ANGPTL2: variants seen among roughly 807,000 people sequenced by gnomAD.
ANGPTL2 encodes angiopoietin-related protein 2.
A neutral mutation model predicts 52.8 loss-of-function variants in ANGPTL2; 25 were observed. The ratio of observed to expected loss-of-function variants is 0.47; its 90% CI spans 0.35 to 0.66. The LOEUF (loss-of-function observed/expected upper bound fraction) is 0.66. Among genes scored for constraint, ANGPTL2 ranks in the 30% least tolerant of loss-of-function variants. The probability of loss-of-function intolerance (pLI) is 0.01; values close to 1 mark genes in which losing one functional copy is unlikely to be tolerated. For synonymous variants in ANGPTL2, 276 were observed against 277.4 expected (o/e 1.00, Z 0.05); for missense variants, 546 against 656.9 (o/e 0.83, Z 1.84).
At chr9:127,098,736 C>T (rs2053419172) in intron 2 of ANGPTL2, among the ~76,000 whole-genome samples, 2 of 152,158 alleles carry the variant, frequency 1.3e-5, no homozygotes, top group South Asian at 4.1e-4. Context: ...GAAACCAGGA[C>T]CCACTTGATT....
chr9:127,113,656 A>C (rs780972771), intron 1 of ANGPTL2, among the ~76,000 whole-genome samples: 11 of 152,220 alleles, frequency 7.2e-5, no homozygotes, highest in Non-Finnish European at 1.3e-4. Flanking sequence ...AACGATTCTT[A>C]AAATTGCTTT....
intron 2 of ANGPTL2, among the ~76,000 whole-genome samples, chr9:127,094,988 G>A (rs1005755058): frequency 6.6e-6 from 1 of 152,228 alleles, no homozygotes; most frequent in African/African-American, 2.4e-5. Flanking sequence ...CCAAGGGTCT[G>A]GACAGGCTGG....
At chr9:127,089,862 C>A (rs1025052640) in intron 4 of ANGPTL2, among the ~76,000 whole-genome samples, 9 of 152,240 alleles carry the variant, frequency 5.9e-5, no homozygotes, top group African/African-American at 2.2e-4. Flanking sequence ...GGGCCACTAT[C>A]TGCCAGCATT....
At chr9:127,119,917 C>G (rs1378082712) in intron 1 of ANGPTL2, among the ~76,000 whole-genome samples, 3 of 152,240 alleles carry the variant, frequency 2.0e-5, no homozygotes, top group Non-Finnish European at 4.4e-5. Context: ...AAACCTGTGG[C>G]TTCAGTAGCC....
At chr9:127,118,845 G>C (rs1388686680) in intron 1 of ANGPTL2, among the ~76,000 whole-genome samples, 1 of 152,194 alleles carries the variant, frequency 6.6e-6, no homozygotes, top group Admixed American at 6.5e-5. Flanking sequence ...TACCTGCTTT[G>C]GCAGGGCTGC....
intron 3 of ANGPTL2, 80 bp from the exon 4 acceptor site, chr9:127,092,020 C>T: frequency 6.5e-7 from 1 of 1,544,296 alleles, no homozygotes. Flanking sequence ...ACACTCAGCC[C>T]TGGATAGAGG....
At chr9:127,101,585 T>A (rs1163325389) in intron 2 of ANGPTL2, among the ~76,000 whole-genome samples, 1 of 152,148 alleles carries the variant, frequency 6.6e-6, no homozygotes, top group Non-Finnish European at 1.5e-5. Context: ...GAACCAATAA[T>A]AATAAATCCA....
intron 1 of ANGPTL2, among the ~76,000 whole-genome samples, chr9:127,120,905 A>T (rs1429550941): frequency 6.6e-6 from 1 of 151,830 alleles, no homozygotes; most frequent in African/African-American, 2.4e-5. Flanking sequence ...GTTTGTAATC[A>T]TCAGTGACCA....
intron 2 of ANGPTL2, among the ~76,000 whole-genome samples, chr9:127,105,093 T>A (rs1384903024): frequency 6.6e-6 from 1 of 152,158 alleles, no homozygotes; most frequent in African/African-American, 2.4e-5. Flanking sequence ...GTCTACCCAT[T>A]CATCTTCCAC....
intron 1 of ANGPTL2, among the ~76,000 whole-genome samples, chr9:127,111,333 A>T (rs992542736): frequency 6.6e-6 from 1 of 152,222 alleles, no homozygotes; most frequent in African/African-American, 2.4e-5. Context: ...TCACCATAAG[A>T]TACACGCTGT....
intron 2 of ANGPTL2, among the ~76,000 whole-genome samples, chr9:127,099,053 G>GA (rs2053457153): frequency 6.6e-6 from 1 of 152,236 alleles, no homozygotes; most frequent in South Asian, 2.1e-4. Context: ...TCTTCTCTCT[G>GA]ACGTGCCTGA....
At chr9:127,097,460 C>G (rs563678668) in intron 2 of ANGPTL2, among the ~76,000 whole-genome samples, 2 of 152,364 alleles carry the variant, frequency 1.3e-5, no homozygotes, top group Admixed American at 1.3e-4. Flanking sequence ...AACACAATTT[C>G]CCTTAGAACC....
At chr9:127,120,904 C>A (rs2056001958) in intron 1 of ANGPTL2, among the ~76,000 whole-genome samples, 1 of 151,968 alleles carries the variant, frequency 6.6e-6, no homozygotes, top group South Asian at 2.1e-4. Flanking sequence ...GGTTTGTAAT[C>A]ATCAGTGACC....
At position 127,091,438 on chromosome 9, in the gene ANGPTL2, C is replaced by G. The variant is rs1362321157; in HGVS notation, c.1282+232G>C. 6.6e-6 allele frequency among the ~76,000 whole-genome samples: 1 copy of G among 152,110 alleles called. No individual in the cohort carries two copies. The highest frequency in any genetic ancestry group is 1.5e-5 in the Non-Finnish European group (1 of 67,974). On this transcript the variant is annotated intron_variant, in intron 4 of 4. Transcript: ENST00000373425. The surrounding 1 kb of genome is among the most constrained non-coding windows in gnomAD (Gnocchi z 4.3). ...TTTGTATACCTCTTTATGTCTCGCC[C>G]CATCCCATTTTTTTTTTCTTAATTT...
intron 2 of ANGPTL2, among the ~76,000 whole-genome samples, chr9:127,102,186 T>G (rs1357999922): frequency 6.6e-6 from 1 of 152,212 alleles, no homozygotes; most frequent in Non-Finnish European, 1.5e-5. Flanking sequence ...AGACTGAACA[T>G]AGTCCATTTT....
intron 1 of ANGPTL2, among the ~76,000 whole-genome samples, chr9:127,114,757 A>C (rs1223607781): frequency 7.2e-5 from 11 of 152,260 alleles, no homozygotes; most frequent in Admixed American, 3.9e-4. Flanking sequence ...CTGCCAAGGC[A>C]GTCAGGGAAT....
intron 2 of ANGPTL2, among the ~76,000 whole-genome samples, chr9:127,100,452 A>G (rs916857987): frequency 4.6e-5 from 7 of 152,180 alleles, no homozygotes; most frequent in African/African-American, 1.7e-4. Context: ...TTAGGTTTCC[A>G]CCAGCGCTGT....
intron 2 of ANGPTL2, among the ~76,000 whole-genome samples, chr9:127,103,574 TTGC>T (rs2053936735): frequency 6.6e-6 from 1 of 152,198 alleles, no homozygotes; most frequent in Admixed American, 6.5e-5. Flanking sequence ...TTGGGTCCAT[TTGC>T]TGGGAGTCAG....
chr9:127,088,827 G>C lies in ANGPTL2; in HGVS notation c.*112C>G, dbSNP rs1012796379. The C allele has an allele frequency of 1.3e-5, 16 of 1,253,688 alleles. No individual in the cohort carries two copies. In the African/African-American group the frequency reaches 2.4e-4, roughly 19 times the overall value. 77.7% of individuals were successfully genotyped at this position (1,253,688 alleles called of 1,614,324 possible). ...TTCGGAAAACAGAATCCAGCATCCC[G>C]GTCCTCCCAGCCTCAGGATGAACTG... On this transcript the variant is annotated 3_prime_UTR_variant, in exon 5 of 5. Coordinates refer to ENST00000373425, the MANE Select transcript of ANGPTL2 (RefSeq NM_012098.3).
Sources: gnomAD v4.1 joint callset for allele counts (sites outside exome capture counted in the v4.1 genomes callset) on GRCh38, gnomAD v4.1.1 for gene constraint, Gnocchi (gnomAD v3.1) non-coding constraint, MANE v1.5 for transcripts, NCBI Gene and HGNC (gene_info 2026-07-23, HGNC 2026-07-21) for gene names.